LRP2: variants seen among roughly 807,000 people sequenced by gnomAD.
LRP2 encodes the protein LDL receptor related protein 2.
In LRP2, 172 loss-of-function variants were observed where a neutral mutation model predicts 531.0. The observed-to-expected ratio is 0.32, with a 90% confidence interval of 0.29 to 0.37. The LOEUF (loss-of-function observed/expected upper bound fraction) is 0.37. LRP2 is among the 10% of genes least tolerant of loss of function. LRP2 has a pLI of 1.00. For missense variants in LRP2, 5,167 were observed against 5,868.3 expected (o/e 0.88, Z 3.90); for synonymous variants, 1,992 against 2,027.6 (o/e 0.98, Z 0.47).
At chr2:169,317,228 A>G (rs1335288736) in intron 3 of LRP2, among the ~76,000 whole-genome samples, 1 of 152,164 alleles carries the variant, frequency 6.6e-6, no homozygotes, top group Non-Finnish European at 1.5e-5. Context: ...CCCTCTGTAA[A>G]GTATTATTAT....
At chr2:169,321,228 A>T (rs866207891) in intron 1 of LRP2, among the ~76,000 whole-genome samples, 1 of 152,216 alleles carries the variant, frequency 6.6e-6, no homozygotes, top group East Asian at 1.9e-4. Context: ...TCAAAGAAGT[A>T]GACAAAGATT....
At chr2:169,154,778 G>A (rs562780317) in intron 65 of LRP2, among the ~76,000 whole-genome samples, 175 bp from the exon 66 acceptor site, 19 of 152,242 alleles carry the variant, frequency 1.2e-4, no homozygotes, top group South Asian at 6.2e-4. Context: ...TACAAAATCC[G>A]TGACTTGACA....
rs754235034 is a variant in LRP2 at position 169,259,142 on chromosome 2, T to C, written c.2396A>G (p.Tyr799Cys). The change falls in exon 17 of 79, where the codon TAT becomes TGT. Residue 799 changes from tyrosine (Y) to cysteine (C), a missense_variant. By Grantham distance (194) the Tyr-to-Cys change is radical (BLOSUM62 -2). Transcript: ENST00000649046. ...ACTCTTGTAATGAGAGTCTGTCCAA[T>C]AGAGATTCTTTGAAATCCAATCAAA... ...LAFDWISKNL[Y>C]WTDSHYKSIS... 4 of 1,613,324 alleles carry C rather than the reference T, an allele frequency of 2.5e-6. No individual in the cohort carries two copies. The highest frequency in any genetic ancestry group is 1.7e-5 in the Admixed American group (1 of 59,882).
chr2:169,149,708 G>T (rs978167782), intron 68 of LRP2, among the ~76,000 whole-genome samples: 1 of 151,954 alleles, frequency 6.6e-6, no homozygotes, highest in Non-Finnish European at 1.5e-5. Context: ...GTGGTGGTGG[G>T]TGCCTATAAT....
intron 31 of LRP2, among the ~76,000 whole-genome samples, chr2:169,230,408 G>T (rs1689357502): frequency 1.3e-5 from 2 of 152,184 alleles, no homozygotes; most frequent in South Asian, 4.1e-4. Flanking sequence ...ATTACATGCT[G>T]ATGGAATTTG....
At position 169,154,567 on chromosome 2, in the gene LRP2, C is replaced by T. The variant is rs773743636; in HGVS notation, c.12188G>A (p.Arg4063Gln). The T allele has an allele frequency of 1.2e-5, 19 of 1,613,352 alleles. No individual in the cohort carries two copies. Among genetic ancestry groups the T allele is most frequent in the East Asian group, 4.5e-5 (2 of 44,848 alleles). Residue 4063 changes from arginine to glutamine, a missense_variant, in exon 66 of 79, where the codon CGA becomes CAA. Physicochemically the swap from Arg to Gln is conservative, Grantham distance 43. Transcript: ENST00000649046. ...AGATGAGAGATTATATTTTCGAATT[C>T]GGACATTGTCAGGCAGTAGCAACAA... ...SPLLLLPDNVRIRKYNLSSER... is the reference protein window; with the variant it reads ...SPLLLLPDNVQIRKYNLSSER...
chr2:169,168,471 ACAC>A (rs377740873), intron 61 of LRP2, 65 bp downstream of exon 61: 44,663 of 1,587,088 alleles, frequency 0.028, 730 homozygotes, highest in Non-Finnish European at 0.032. Context: ...CTCACATGCT[ACAC>A]GTAAGAAACA....
Position 169,202,859 on chromosome 2 carries a change from T to G in LRP2, c.8106A>C (p.Ala2702=). The G allele has an allele frequency of 6.2e-7, 1 of 1,614,216 alleles. No homozygotes were observed. Among genetic ancestry groups the G allele is most frequent in the East Asian group, 2.2e-5 (1 of 44,882 alleles). The change falls in exon 43 of 79, where the codon GCA becomes GCC. Residue 2702 remains alanine, a synonymous_variant. Transcript: ENST00000649046. The stretch of plus-strand genomic sequence containing the variant: ...GCCCATTGGAGCAGGTGAAGGAAGA[T>G]GCACCACATCGTTCACCATTGTCCA... ...CIVDNGERCG[A]SSFTCSNGRC... is the part of the protein sequence containing the mutation.
intron 76 of LRP2, among the ~76,000 whole-genome samples, chr2:169,132,951 T>C (rs928632596): frequency 2.6e-5 from 4 of 152,168 alleles, no homozygotes; most frequent in Non-Finnish European, 4.4e-5. Context: ...CACTTATTAC[T>C]AGCAATTTCT....
At position 169,193,791 on chromosome 2, in the gene LRP2, T is replaced by C. The variant is rs776286545; in HGVS notation, c.8800A>G (p.Met2934Val). 1 of 1,614,204 alleles carries C rather than the reference T, an allele frequency of 6.2e-7. No homozygotes were observed. ...ICDGDNDCGD[M>V]SDEDKRHQCQ... is the part of the protein sequence containing the mutation. The stretch of plus-strand genomic sequence containing the variant: ...TGGTGCCTTTTATCCTCGTCACTCA[T>C]ATCCCCACAGTCATTATCACCGTCA... The change falls in exon 47 of 79, where the codon ATG becomes GTG. Residue 2934 changes from methionine (M) to valine (V), a missense_variant. Around this residue, in one of 6 missense-constraint regions of LRP2, gnomAD observed 1,129 missense variants for 1,362.7 expected, o/e 0.83. Coordinates refer to ENST00000649046, the MANE Select transcript of LRP2 (RefSeq NM_004525.3).
At chr2:169,352,414 G>A (rs916550716) in intron 1 of LRP2, among the ~76,000 whole-genome samples, 1 of 152,132 alleles carries the variant, frequency 6.6e-6, no homozygotes. Context: ...CCATCCAAAA[G>A]AAAGAGATTT....
intron 16 of LRP2, among the ~76,000 whole-genome samples, chr2:169,267,775 T>C (rs1683261908): frequency 1.3e-5 from 2 of 151,860 alleles, no homozygotes; most frequent in South Asian, 4.1e-4. Flanking sequence ...CTGAAGGAGA[T>C]AGAGACACAA....
At chr2:169,256,934 A>C (rs1690327536) in intron 18 of LRP2, among the ~76,000 whole-genome samples, 190 bp downstream of exon 18, 1 of 152,102 alleles carries the variant, frequency 6.6e-6, no homozygotes, top group Admixed American at 6.6e-5. Context: ...CCCCAGCAGT[A>C]GCTGGCCAAC....
chr2:169,307,205 A>G, intron 4 of LRP2, 76 bp downstream of exon 4: 2 of 988,368 alleles, frequency 2.0e-6, no homozygotes, highest in Non-Finnish European at 3.3e-6. Flanking sequence ...TCCATCAACA[A>G]ATCTAACAAA....
intron 1 of LRP2, among the ~76,000 whole-genome samples, chr2:169,350,263 A>T (rs1685811488): frequency 6.6e-6 from 1 of 152,162 alleles, no homozygotes; most frequent in Non-Finnish European, 1.5e-5. Flanking sequence ...GGAGATCAGG[A>T]GTTCAATTTC....
intron 1 of LRP2, among the ~76,000 whole-genome samples, chr2:169,350,002 G>A (rs1182971504): frequency 6.6e-6 from 1 of 152,238 alleles, no homozygotes. Flanking sequence ...CAGTATGGAA[G>A]CCATTGCAAT....
At chr2:169,132,882 C>T (rs1485622695) in intron 76 of LRP2, among the ~76,000 whole-genome samples, 1 of 152,194 alleles carries the variant, frequency 6.6e-6, no homozygotes, top group Non-Finnish European at 1.5e-5. Flanking sequence ...GCAGCAACCA[C>T]TAAGTCACCT....
At chr2:169,306,856 T>C (rs982197217) in intron 4 of LRP2, among the ~76,000 whole-genome samples, 1 of 152,220 alleles carries the variant, frequency 6.6e-6, no homozygotes. Flanking sequence ...ATTTTCAAAA[T>C]GTAACACTTT....
At chr2:169,130,379 C>T (rs529708321) in intron 77 of LRP2, among the ~76,000 whole-genome samples, 2 of 151,922 alleles carry the variant, frequency 1.3e-5, no homozygotes, top group African/African-American at 4.8e-5. Flanking sequence ...CCTCTGCCTC[C>T]CGGGTTCAAG....
Sources: gnomAD v4.1 joint callset for allele counts (sites outside exome capture counted in the v4.1 genomes callset) on GRCh38, gnomAD v4.1.1 for gene constraint, gnomAD v4.1.1 regional missense constraint, MANE v1.5 for transcripts, NCBI Gene and HGNC (gene_info 2026-07-23, HGNC 2026-07-21) for gene names.